The following GPHN variants were observed in gnomAD, a reference collection of about 807,000 sequenced individuals.
The protein encoded by GPHN is gephyrin.
In GPHN, 17 loss-of-function variants were observed where a neutral mutation model predicts 95.5. The observed-to-expected ratio is 0.18, with a 90% CI of 0.12 to 0.27. GPHN has a LOEUF of 0.27. Among genes scored for constraint, GPHN ranks in the 10% least tolerant of loss-of-function variants. The pLI is 1.00. For missense variants in GPHN, 660 were observed against 978.1 expected, an observed-to-expected ratio of 0.67 and a Z score of 4.34; for synonymous variants, 320 against 322.5, an observed-to-expected ratio of 0.99 and a Z score of 0.08.
intron 2 of GPHN, among the ~76,000 whole-genome samples, chr14:66,746,364 C>A (rs2058150958): frequency 1.3e-5 from 2 of 152,018 alleles, no homozygotes; most frequent in Non-Finnish European, 2.9e-5. Flanking sequence ...TTATTTAGAT[C>A]CTGTGGAAAA....
chr14:66,910,318 T>G (rs1338957059), intron 5 of GPHN, among the ~76,000 whole-genome samples: 3 of 152,088 alleles, frequency 2.0e-5, no homozygotes, highest in Admixed American at 2.0e-4. Flanking sequence ...AGTGAATACT[T>G]AAGATTCTAC....
chr14:67,247,335 A>G, the GPHN span, among the ~76,000 whole-genome samples: 1 of 152,206 alleles, frequency 6.6e-6, no homozygotes, highest in Non-Finnish European at 1.5e-5. Context: ...GATGGTATAT[A>G]GAAATTAATT....
intron 1 of GPHN, among the ~76,000 whole-genome samples, chr14:66,547,424 A>G (rs2140138813): frequency 6.6e-6 from 1 of 152,380 alleles, no homozygotes; most frequent in Admixed American, 6.5e-5. Context: ...GGTTTAGTTC[A>G]GAATGCTGAG....
Position 67,181,071 on chromosome 14 carries a change from TC to T in GPHN, c.*135del. Reference sequence around the variant, plus strand: ...TATAGTCAACATCTTGAACTATATTTCAAATGAATTTAAATATCTTTTAAAG... The same window carrying T: ...TATAGTCAACATCTTGAACTATATTTAAATGAATTTAAATATCTTTTAAAG... On this transcript the variant is annotated 3_prime_UTR_variant, in exon 23 of 23. Transcript: ENST00000478722. 1.3e-6 allele frequency: 1 copy of T among 762,926 alleles called. No individual in the cohort carries two copies. The highest frequency in any genetic ancestry group is 2.2e-6 in the Non-Finnish European group (1 of 453,194). 47.3% of individuals were successfully genotyped at this position (762,926 alleles called of 1,614,324 possible).
intron 8 of GPHN, among the ~76,000 whole-genome samples, chr14:66,962,016 A>G (rs2068983447): frequency 1.4e-5 from 2 of 144,070 alleles, no homozygotes; most frequent in Admixed American, 7.1e-5. Context: ...GGCATTTTTC[A>G]TAATGTCCTC....
At chr14:66,853,720 C>T (rs1038581227) in intron 4 of GPHN, among the ~76,000 whole-genome samples, 1 of 152,166 alleles carries the variant, frequency 6.6e-6, no homozygotes, top group Non-Finnish European at 1.5e-5. Flanking sequence ...TGGGTAGGGG[C>T]ACAGCCAAAC....
chr14:67,568,455 C>T, the GPHN span, among the ~76,000 whole-genome samples: 1 of 151,746 alleles, frequency 6.6e-6, no homozygotes, highest in South Asian at 2.1e-4. Flanking sequence ...TGGATGGTGG[C>T]GGTGGGGGAG....
At chr14:67,318,258 T>C in the GPHN span, among the ~76,000 whole-genome samples, 1 of 152,218 alleles carries the variant, frequency 6.6e-6, no homozygotes, top group East Asian at 1.9e-4. Context: ...CTAATAAAGA[T>C]AAAACATTAT....
the GPHN span, among the ~76,000 whole-genome samples, chr14:67,499,081 T>G: frequency 6.6e-6 from 1 of 151,962 alleles, no homozygotes; most frequent in African/African-American, 2.4e-5. Flanking sequence ...TAGGTCACCA[T>G]AAACTCAAAC....
At chr14:67,404,897 G>A in the GPHN span, among the ~76,000 whole-genome samples, 3 of 152,078 alleles carry the variant, frequency 2.0e-5, no homozygotes, top group South Asian at 6.2e-4. Flanking sequence ...CCCCAGAAAT[G>A]TAAACAATGG....
chr14:67,509,598 C>T, the GPHN span, among the ~76,000 whole-genome samples: 2 of 152,204 alleles, frequency 1.3e-5, no homozygotes, highest in Non-Finnish European at 1.5e-5. Context: ...GGATTACAGG[C>T]ATGAGCCACC....
At chr14:67,107,081 A>G (rs150766163) in intron 13 of GPHN, among the ~76,000 whole-genome samples, 2 of 152,292 alleles carry the variant, frequency 1.3e-5, no homozygotes, top group East Asian at 3.9e-4. Flanking sequence ...ATTCAATGTC[A>G]GTAATAACTG....
chr14:67,611,018 G>A, the GPHN span: 1 of 156,272 alleles, frequency 6.4e-6, no homozygotes, highest in African/African-American at 2.4e-5. Context: ...AGCTGCTGGA[G>A]CCGTACCTGA....
chr14:67,201,340 A>T, the GPHN span: 1 of 376,832 alleles, frequency 2.7e-6, no homozygotes, highest in Non-Finnish European at 5.2e-6. Flanking sequence ...AAAGAGAGCA[A>T]TTATCTCAAA....
At chr14:66,807,781 A>G (rs1407886164) in intron 3 of GPHN, among the ~76,000 whole-genome samples, 1 of 152,208 alleles carries the variant, frequency 6.6e-6, no homozygotes, top group African/African-American at 2.4e-5. Context: ...CTTTTGTGGA[A>G]GGACATTTCA....
chr14:67,599,985 C>A, the GPHN span: 1 of 1,518,744 alleles, frequency 6.6e-7, no homozygotes, highest in African/African-American at 1.4e-5. Flanking sequence ...AAGCCGAACC[C>A]CCTCCTTCGA....
intron 16 of GPHN, among the ~76,000 whole-genome samples, chr14:67,121,329 G>A (rs2079000263): frequency 6.6e-6 from 1 of 151,984 alleles, no homozygotes; most frequent in African/African-American, 2.4e-5. Flanking sequence ...AGCATCTAGG[G>A]GTAACAATAT....
At chr14:66,984,967 G>A (rs2070920067) in intron 9 of GPHN, among the ~76,000 whole-genome samples, 2 of 151,812 alleles carry the variant, frequency 1.3e-5, no homozygotes, top group South Asian at 4.2e-4. Flanking sequence ...GCTCATTTAT[G>A]CAGTAATGTG....
intron 12 of GPHN, among the ~76,000 whole-genome samples, chr14:67,096,445 A>G (rs558451196): frequency 1.8e-4 from 27 of 152,278 alleles, no homozygotes; most frequent in Admixed American, 1.4e-3. Flanking sequence ...GTTTATGTGC[A>G]TGTGTGGGGG....
Sources: allele counts gnomAD v4.1 joint callset (sites outside exome capture counted in the v4.1 genomes callset), GRCh38; gene constraint gnomAD v4.1.1; transcripts MANE v1.5; gene names NCBI Gene and HGNC (gene_info 2026-07-23, HGNC 2026-07-21).